Variants in ALS2 observed in about 807,000 individuals in gnomAD.
The protein encoded by ALS2 is alsin.
Under a neutral mutation model 203.4 loss-of-function variants are expected in ALS2, and 117 were observed. That is an observed-to-expected ratio of 0.58 (90% CI 0.50 to 0.67). The LOEUF (loss-of-function observed/expected upper bound fraction) is 0.67, where lower values mean the gene tolerates loss of function less well. Ranked by LOEUF, ALS2 falls within the 30% of genes least tolerant of loss-of-function variation. The pLI is 0.00. For missense variants in ALS2, 1,715 were observed against 1,989.4 expected, an observed-to-expected ratio of 0.86 and a Z score of 2.62; for synonymous variants, 718 against 725.9, an observed-to-expected ratio of 0.99 and a Z score of 0.17.
chr2:201,726,920 G>A, intron 17 of ALS2, 54 bp from the exon 18 acceptor site: 1 of 1,471,554 alleles, frequency 6.8e-7, no homozygotes, highest in Non-Finnish European at 9.4e-7. Context: ...ATCAAGCATT[G>A]CTTTAAATCC....
intron 12 of ALS2, among the ~76,000 whole-genome samples, chr2:201,734,894 G>T (rs1160444053): frequency 6.6e-6 from 1 of 151,880 alleles, no homozygotes; most frequent in Admixed American, 6.6e-5. Context: ...TATATGGCAA[G>T]GTCTGTACTT....
chr2:201,707,858 A>G lies in ALS2; in HGVS notation c.4403+11T>C, dbSNP rs771938136. The stretch of plus-strand genomic sequence containing the variant: ...TCCCTTTCTTCACTGTCCCCACCCA[A>G]CTCCATTTACCCTGGCTCTGGTGAT... On this transcript the variant is annotated intron_variant, in intron 28 of 33. Transcript: ENST00000264276. The G allele has an allele frequency of 6.2e-7, 1 of 1,612,174 alleles. No individual in the cohort carries two copies. Among genetic ancestry groups the G allele is most frequent in the African/African-American group, 1.3e-5 (1 of 74,786 alleles).
intron 8 of ALS2, among the ~76,000 whole-genome samples, chr2:201,748,319 G>A (rs1692804627): frequency 6.6e-6 from 1 of 152,070 alleles, no homozygotes; most frequent in African/African-American, 2.4e-5. Context: ...TTTTGCAAAG[G>A]ACGCATTACA....
chr2:201,760,246 G>C, intron 4 of ALS2: 1 of 802,372 alleles, frequency 1.2e-6, no homozygotes, highest in Non-Finnish European at 1.5e-6. Context: ...GGGAGATCGA[G>C]GCTGCAGTGA....
At chr2:201,745,100 T>C (rs772262227) in intron 9 of ALS2, among the ~76,000 whole-genome samples, 13 of 152,248 alleles carry the variant, frequency 8.5e-5, no homozygotes, top group Non-Finnish European at 1.6e-4. Flanking sequence ...GAGAGCTTCA[T>C]TCCTTTCATC....
chr2:201,730,848 T>C (rs1346188291), intron 13 of ALS2, among the ~76,000 whole-genome samples: 1 of 152,258 alleles, frequency 6.6e-6, no homozygotes, highest in Non-Finnish European at 1.5e-5. Context: ...ACTAGTATAG[T>C]CTGGTGCCAC....
chr2:201,718,731 G>A (rs1221340298), intron 23 of ALS2, among the ~76,000 whole-genome samples: 1 of 152,018 alleles, frequency 6.6e-6, no homozygotes, highest in Non-Finnish European at 1.5e-5. Context: ...CACACACAGG[G>A]AAAAGTCAAA....
chr2:201,718,237 G>A (rs369517132), intron 23 of ALS2, 27 bp from the exon 24 acceptor site: 2 of 1,603,244 alleles, frequency 1.2e-6, no homozygotes, highest in African/African-American at 1.3e-5. Context: ...AATAAAATGT[G>A]GGGTTAGAGG....
Position 201,718,122 on chromosome 2 carries a change from A to C in ALS2, c.3791T>G (p.Phe1264Cys), listed in dbSNP as rs375772498. 1 of 1,613,734 alleles carries C rather than the reference A, an allele frequency of 6.2e-7. No homozygotes were observed. The change falls in exon 24 of 34, where the codon TTC becomes TGC. Residue 1264 changes from phenylalanine (F) to cysteine (C), a missense_variant. Phe to Cys is a radical substitution (Grantham distance 205). Coordinates refer to ENST00000264276, the MANE Select transcript of ALS2 (RefSeq NM_020919.4). ...GSGIKITGTY[F>C]KPSLYESDKD... ...ATCACTCTCATATAGACTAGGTTTGAAGTAGGTTCCAGTGATTTTTATCCC... is the reference window on the plus strand; with the variant it reads ...ATCACTCTCATATAGACTAGGTTTGCAGTAGGTTCCAGTGATTTTTATCCC...
chr2:201,731,855 A>G (rs1048519701), intron 13 of ALS2, among the ~76,000 whole-genome samples: 5 of 152,184 alleles, frequency 3.3e-5, no homozygotes, highest in African/African-American at 7.2e-5. Context: ...GATAGGTGAA[A>G]GAGAACCAAT....
Position 201,761,421 on chromosome 2 carries a change from C to T in ALS2, c.573G>A (p.Lys191=). 6.2e-7 allele frequency: 1 copy of T among 1,607,690 alleles called. No homozygotes were observed. Among genetic ancestry groups the T allele is most frequent in the South Asian group, 1.1e-5 (1 of 90,620 alleles). Reference sequence around the variant, plus strand: ...CAGCAAGATGTTCTACCTTTTGCGGCTTTGTCACTGGGAAGGCAGTGGTAA... The same window carrying T: ...CAGCAAGATGTTCTACCTTTTGCGGTTTTGTCACTGGGAAGGCAGTGGTAA... ...GLITTAFPVT[K]PQKVEHLAGR... Residue 191 remains lysine, a synonymous_variant, in exon 4 of 34, where the codon AAG becomes AAA. Coordinates refer to ENST00000264276, the MANE Select transcript of ALS2 (RefSeq NM_020919.4).
Position 201,760,920 on chromosome 2 carries a change from T to C in ALS2, c.1074A>G (p.Arg358=). The part of the protein sequence containing the change: ...YLRKLSDHSV[R]EDSEHGEKPV... Reference sequence around the variant, plus strand: ...GCTTTTCACCATGCTCTGAGTCCTCTCTTACTGAATGATCTGACAGTTTCC... The same window carrying C: ...GCTTTTCACCATGCTCTGAGTCCTCCCTTACTGAATGATCTGACAGTTTCC... Residue 358 remains arginine, a synonymous_variant, in exon 4 of 34, where the codon AGA becomes AGG. Coordinates refer to ENST00000264276, the MANE Select transcript of ALS2 (RefSeq NM_020919.4). The C allele has an allele frequency of 2.5e-6, 4 of 1,614,228 alleles. No individual in the cohort carries two copies. The highest frequency in any genetic ancestry group is 3.4e-6 in the Non-Finnish European group (4 of 1,180,024).
At chr2:201,743,349 T>G (rs1210194368) in intron 10 of ALS2, among the ~76,000 whole-genome samples, 1 of 152,174 alleles carries the variant, frequency 6.6e-6, no homozygotes, top group Non-Finnish European at 1.5e-5. Flanking sequence ...AGGTACCCAG[T>G]ATATCTGGAC....
At position 201,705,540 on chromosome 2, in the gene ALS2, T is replaced by C. The variant is rs1245993583; in HGVS notation, c.4581-79A>G. ...ATCCCATAAAAATAGTTGACAGCTA[T>C]ATTGGCTTCCTTGTCCCCATTAAAA... On this transcript the variant is annotated intron_variant, in intron 29 of 33. Coordinates refer to ENST00000264276, the MANE Select transcript of ALS2 (RefSeq NM_020919.4). The C allele has an allele frequency of 9.9e-6, 11 of 1,116,126 alleles. No individual in the cohort carries two copies. The South Asian group carries it at 1.4e-4, about 14-fold the overall frequency. The allele number at this position is 1,116,126 out of a possible 1,614,324, so 69.1% of individuals were successfully genotyped here.
intron 25 of ALS2, among the ~76,000 whole-genome samples, chr2:201,712,902 G>T (rs1207618525): frequency 3.3e-5 from 5 of 152,150 alleles, no homozygotes; most frequent in African/African-American, 1.2e-4. Context: ...TGAGAAATAT[G>T]CAGTCATTTG....
chr2:201,707,921 TC>T lies in ALS2; in HGVS notation c.4350del (p.Lys1451SerfsTer20). The T allele has an allele frequency of 6.2e-7, 1 of 1,613,618 alleles. No homozygotes were observed. Among genetic ancestry groups the T allele is most frequent in the Non-Finnish European group, 8.5e-7 (1 of 1,179,706 alleles). On this transcript the variant is annotated frameshift_variant, in exon 28 of 34. Transcript: ENST00000264276. LOFTEE classifies it high-confidence loss of function. ...TCTGACTTCCCAGTGCAAAAAGACT[TC>T]CTTTCGGTTGGCAGAGGAGCAGAGA... Reference protein sequence around the residue: ...IPLSAPLPTERKSFCTGKSDS... With the variant: ...IPLSAPLPTEXKSFCTGKSDS...
At position 201,753,184 on chromosome 2, in the gene ALS2, C is replaced by T; in HGVS notation, c.1699G>A (p.Gly567Ser). Residue 567 changes from glycine (G) to serine (S), a missense_variant, in exon 7 of 34, where the codon GGT (glycine) becomes AGT (serine). Physicochemically the swap from Gly to Ser is moderately conservative, Grantham distance 56. Transcript: ENST00000264276. Reference protein sequence around the residue: ...DGKEVIHLEAGGYHSLALTAK... With the variant: ...DGKEVIHLEASGYHSLALTAK... ...GTAAGTGCAAGAGAATGGTAACCAC[C>T]TGCCTCCAGATGGATTACTTCTTTG... is the stretch of plus-strand genomic sequence containing the variant. 6.2e-7 allele frequency: 1 copy of T among 1,614,152 alleles called. No individual in the cohort carries two copies. The highest frequency in any genetic ancestry group is 1.3e-5 in the African/African-American group (1 of 75,068).
At chr2:201,770,763 A>T (rs190884058) in intron 1 of ALS2, among the ~76,000 whole-genome samples, 1 of 152,300 alleles carries the variant, frequency 6.6e-6, no homozygotes, top group Admixed American at 6.5e-5. Context: ...CTGACTGAAC[A>T]TGGAAGAAGG....
intron 1 of ALS2, among the ~76,000 whole-genome samples, chr2:201,777,408 A>G (rs1203344691): frequency 6.6e-6 from 1 of 152,096 alleles, no homozygotes; most frequent in African/African-American, 2.4e-5. Flanking sequence ...TTCTTTTTCC[A>G]CAGTCTCCTA....
Sources: allele counts gnomAD v4.1 joint callset (sites outside exome capture counted in the v4.1 genomes callset), GRCh38; gene constraint gnomAD v4.1.1; transcripts MANE v1.5; gene names NCBI Gene and HGNC (gene_info 2026-07-23, HGNC 2026-07-21).